Variants in TTBK2 observed in about 807,000 individuals in gnomAD.
TTBK2 encodes tau tubulin kinase 2, also known as tau-tubulin kinase 2.
In TTBK2, 28 loss-of-function variants were observed where a neutral mutation model predicts 110.8. The ratio of observed to expected loss-of-function variants is 0.25; its 90% CI spans 0.19 to 0.35. The LOEUF (loss-of-function observed/expected upper bound fraction) is 0.35, where lower values mean the gene tolerates loss of function less well. TTBK2 is among the 10% of genes least tolerant of loss of function. TTBK2 has a pLI of 1.00. For synonymous variants in TTBK2, 532 were observed against 527.3 expected, an observed-to-expected ratio of 1.01 and a Z score of -0.12; for missense variants, 1,369 against 1,500.3, an observed-to-expected ratio of 0.91 and a Z score of 1.45.
At chr15:42,892,728 A>G (rs927539071) in intron 1 of TTBK2, among the ~76,000 whole-genome samples, 2 of 129,318 alleles carry the variant, frequency 1.5e-5, no homozygotes, top group Non-Finnish European at 1.6e-5. Flanking sequence ...AAAAAAAAAA[A>G]GCCGGGCACG....
At chr15:42,781,749 T>C (rs1183625684) in intron 11 of TTBK2, among the ~76,000 whole-genome samples, 2 of 152,294 alleles carry the variant, frequency 1.3e-5, no homozygotes, top group East Asian at 3.9e-4. Context: ...GAACATAGTA[T>C]GTGTGATTTC....
chr15:42,788,478 A>T (rs1212365015), intron 10 of TTBK2, among the ~76,000 whole-genome samples: 2 of 152,172 alleles, frequency 1.3e-5, no homozygotes, highest in African/African-American at 4.8e-5. Flanking sequence ...TCTTAAACTG[A>T]GGGTGGTACA....
At chr15:42,860,907 C>G (rs1445747997) in intron 3 of TTBK2, among the ~76,000 whole-genome samples, 1 of 151,946 alleles carries the variant, frequency 6.6e-6, no homozygotes, top group Non-Finnish European at 1.5e-5. Flanking sequence ...CCTCAGCCTC[C>G]CAAAGTGCTG....
chr15:42,879,641 C>CAA (rs761358145), intron 1 of TTBK2, among the ~76,000 whole-genome samples: 8 of 116,104 alleles, frequency 6.9e-5, no homozygotes, highest in Non-Finnish European at 1.1e-4. Context: ...ATCTTATTTA[C>CAA]AAAAAAAAAA....
intron 1 of TTBK2, among the ~76,000 whole-genome samples, chr15:42,900,561 A>C (rs532505167): frequency 6.6e-6 from 1 of 152,140 alleles, no homozygotes; most frequent in South Asian, 2.1e-4. Context: ...GTCTCTACTA[A>C]AAATACAAAA....
At chr15:42,795,348 G>A (rs919949803) in intron 9 of TTBK2, among the ~76,000 whole-genome samples, 3 of 151,070 alleles carry the variant, frequency 2.0e-5, no homozygotes, top group Admixed American at 6.6e-5. Context: ...AAAATTGCTT[G>A]ATTTATATTC....
intron 2 of TTBK2, among the ~76,000 whole-genome samples, chr15:42,878,020 A>T (rs1022775390): frequency 1.9e-5 from 2 of 105,560 alleles, no homozygotes; most frequent in Non-Finnish European, 3.9e-5. Context: ...TTCCTTAATA[A>T]AAAAAAAAAA....
rs2061772459 is a variant in TTBK2, at chr15:42,744,983, C to T, written c.*812G>A. The T allele has an allele frequency of 6.5e-6, 1 of 154,316 alleles. No homozygotes were observed. The highest frequency in any genetic ancestry group is 2.0e-4 in the South Asian group (1 of 4,916). The allele number at this position is 154,316 out of a possible 1,614,324, so 9.6% of individuals were successfully genotyped here. On this transcript the variant is annotated 3_prime_UTR_variant, in exon 15 of 15. Transcript: ENST00000267890. Reference sequence around the variant, plus strand: ...TTCTATCTTGAAGGCTATTAACCCACACTTTCTTTCTCTCCCTAAACACTA... The same window carrying T: ...TTCTATCTTGAAGGCTATTAACCCATACTTTCTTTCTCTCCCTAAACACTA...
intron 9 of TTBK2, among the ~76,000 whole-genome samples, chr15:42,796,399 TC>T (rs982177839): frequency 3.3e-5 from 5 of 150,844 alleles, no homozygotes; most frequent in African/African-American, 1.2e-4. Context: ...GACTCGGGTC[TC>T]AAAAAAAAAG....
At chr15:42,835,859 C>T (rs1352877449) in intron 4 of TTBK2, among the ~76,000 whole-genome samples, 1 of 152,098 alleles carries the variant, frequency 6.6e-6, no homozygotes, top group South Asian at 2.1e-4. Flanking sequence ...TAGCCATATA[C>T]TGATAGTTGT....
intron 3 of TTBK2, among the ~76,000 whole-genome samples, chr15:42,846,095 T>C (rs1413076840): frequency 6.6e-6 from 1 of 151,754 alleles, no homozygotes; most frequent in Non-Finnish European, 1.5e-5. Context: ...TGCAAATAGT[T>C]GCCATACTGA....
At position 42,740,380 on chromosome 15, in the gene TTBK2, T is replaced by C. The variant is rs2061742534; in HGVS notation, c.*5415A>G. 1 of 152,228 alleles carries C rather than the reference T, an allele frequency of 6.6e-6. No homozygotes were observed. The highest frequency in any genetic ancestry group is 2.1e-4 in the South Asian group (1 of 4,836). 9.4% of individuals were successfully genotyped at this position (152,228 alleles called of 1,614,324 possible). On this transcript the variant is annotated 3_prime_UTR_variant, in exon 15 of 15. Transcript: ENST00000267890. ...TTTTTTGCTATTCAGTGTCTTGAGA[T>C]TGTGTGGAAATTCAAGGTGACCTGA...
At chr15:42,839,256 T>A (rs948195414) in intron 4 of TTBK2, among the ~76,000 whole-genome samples, 1 of 152,220 alleles carries the variant, frequency 6.6e-6, no homozygotes, top group Non-Finnish European at 1.5e-5. Flanking sequence ...GCTGCATCCA[T>A]GTTGCTGCAA....
chr15:42,880,801 CAA>C (rs1364775682), intron 1 of TTBK2, among the ~76,000 whole-genome samples: 2 of 151,586 alleles, frequency 1.3e-5, no homozygotes, highest in African/African-American at 4.9e-5. Flanking sequence ...ATGGAATGTT[CAA>C]GAGACAAAAA....
intron 3 of TTBK2, among the ~76,000 whole-genome samples, chr15:42,868,408 C>CT (rs1894470060): frequency 6.6e-6 from 1 of 152,002 alleles, no homozygotes; most frequent in South Asian, 2.1e-4. Context: ...AAATGTACAG[C>CT]TGTGGGGATG....
intron 13 of TTBK2, among the ~76,000 whole-genome samples, chr15:42,755,554 G>A (rs968759264): frequency 3.3e-5 from 5 of 152,150 alleles, no homozygotes; most frequent in South Asian, 2.1e-4. Context: ...ATGCAACCAC[G>A]GTCCTGAGGA....
intron 3 of TTBK2, among the ~76,000 whole-genome samples, chr15:42,861,232 A>T (rs1287485651): frequency 6.6e-6 from 1 of 152,180 alleles, no homozygotes; most frequent in Non-Finnish European, 1.5e-5. Context: ...TCTGGACTTA[A>T]ACTCGACACT....
chr15:42,839,910 A>ATT (rs1567053699), intron 4 of TTBK2, among the ~76,000 whole-genome samples: 10 of 152,210 alleles, frequency 6.6e-5, no homozygotes, highest in African/African-American at 2.4e-4. Context: ...CCCTTGCAAG[A>ATT]TATGGGTCCC....
At chr15:42,770,094 G>A (rs1286786838) in intron 13 of TTBK2, among the ~76,000 whole-genome samples, 9 of 131,248 alleles carry the variant, frequency 6.9e-5, no homozygotes, top group Non-Finnish European at 1.3e-4. Context: ...ACACACCAGG[G>A]CCTGTCGTGG....
Sources: allele counts gnomAD v4.1 joint callset (sites outside exome capture counted in the v4.1 genomes callset), GRCh38; gene constraint gnomAD v4.1.1; transcripts MANE v1.5; gene names NCBI Gene and HGNC (gene_info 2026-07-23, HGNC 2026-07-21).